The following ATP10B variants were observed in gnomAD, a reference collection of about 807,000 sequenced individuals.
ATP10B encodes the protein ATPase phospholipid transporting 10B (putative).
A neutral mutation model predicts 141.2 loss-of-function variants in ATP10B; 122 were observed. The ratio of observed to expected loss-of-function variants is 0.86; its 90% CI spans 0.75 to 1.00. The LOEUF is 1.00. ATP10B is among the 50% of genes least tolerant of loss of function. The pLI, the probability that ATP10B is intolerant of heterozygous loss-of-function variation, is 0.00. For missense variants in ATP10B, 1,876 were observed against 1,825.3 expected, an observed-to-expected ratio of 1.03 and a Z score of -0.51; for synonymous variants, 685 against 692.0, an observed-to-expected ratio of 0.99 and a Z score of 0.16.
intron 1 of ATP10B, among the ~76,000 whole-genome samples, chr5:160,806,370 C>T (rs2127939980): frequency 6.6e-6 from 1 of 152,220 alleles, no homozygotes; most frequent in Non-Finnish European, 1.5e-5. Flanking sequence ...ATCAGCATAA[C>T]ATCTGAAAAA....
In ATP10B at chr5:160,620,521, C is replaced by G; in HGVS notation, c.2242G>C (p.Val748Leu). The G allele has an allele frequency of 1.2e-6, 2 of 1,614,136 alleles. No homozygotes were observed. Among genetic ancestry groups the G allele is most frequent in the Non-Finnish European group, 1.7e-6 (2 of 1,179,984 alleles). The part of the protein sequence containing the change: ...LVSRTPEQVT[V>L]RLPQGTCLTF... ...AGGCAGGTGCCCTGGGGCAGGCGCA[C>G]AGTCACCTGCTCAGGTGTCCGGGAC... Residue 748 changes from valine to leucine, a missense_variant, in exon 15 of 26, where the codon GTG becomes CTG. By Grantham distance (32) the Val-to-Leu change is conservative (BLOSUM62 1). Coordinates refer to ENST00000327245, the MANE Select transcript of ATP10B (RefSeq NM_025153.3).
chr5:160,811,854 C>T (rs756391655), intron 1 of ATP10B, among the ~76,000 whole-genome samples: 2 of 152,130 alleles, frequency 1.3e-5, no homozygotes, highest in Non-Finnish European at 2.9e-5. Context: ...CGCACATAGG[C>T]AGTAGCCAGG....
chr5:160,567,886 G>A (rs1174999834), intron 25 of ATP10B, among the ~76,000 whole-genome samples: 1 of 152,176 alleles, frequency 6.6e-6, no homozygotes, highest in Non-Finnish European at 1.5e-5. Context: ...AATAATTTGG[G>A]GTGAAAGGGT....
chr5:160,589,510 AG>A, intron 24 of ATP10B, 81 bp downstream of exon 24: 1 of 1,084,252 alleles, frequency 9.2e-7, no homozygotes, highest in Middle Eastern at 2.9e-4. Context: ...TTGATAACAC[AG>A]AATGAAACAA....
Position 160,591,237 on chromosome 5 carries a change from C to T in ATP10B, c.3565-98G>A, listed in dbSNP as rs376115693. On this transcript the variant is annotated intron_variant, in intron 22 of 25. Transcript: ENST00000327245. ...CATGTGGCTGCGACAGACAACCAGA[C>T]GCATACAATGCCTCTTGTATTTGTG... 1.2e-3 allele frequency: 1,055 copies of T among 872,184 alleles called. 7 individuals carry two copies. Among genetic ancestry groups the T allele is most frequent in the Admixed American group, 1.1e-3 (47 of 41,854 alleles). 54.0% of individuals were successfully genotyped at this position (872,184 alleles called of 1,614,324 possible).
the ATP10B span, among the ~76,000 whole-genome samples, chr5:160,922,833 G>A: frequency 6.6e-6 from 1 of 152,154 alleles, no homozygotes; most frequent in East Asian, 1.9e-4. Flanking sequence ...ATATCCTAAT[G>A]GGGCCCCTCC....
At chr5:160,637,129 T>TATCCATCCATCC (rs35749013) in intron 10 of ATP10B, among the ~76,000 whole-genome samples, 66 of 146,548 alleles carry the variant, frequency 4.5e-4, no homozygotes, top group African/African-American at 1.5e-3. Context: ...TCTATCCATC[T>TATCCATCCATCC]ATCCATCCAT....
chr5:160,610,794 A>G (rs949570498), intron 18 of ATP10B, among the ~76,000 whole-genome samples: 23 of 152,200 alleles, frequency 1.5e-4, no homozygotes, highest in Admixed American at 1.3e-3. Context: ...TTCCTATCTA[A>G]TACTTTAGTT....
the ATP10B span, among the ~76,000 whole-genome samples, chr5:160,868,673 C>T: frequency 6.6e-6 from 1 of 151,858 alleles, no homozygotes; most frequent in African/African-American, 2.4e-5. Flanking sequence ...TGATGCTACC[C>T]CAAGTTCTGG....
Position 160,679,821 on chromosome 5 carries a change from C to T in ATP10B, c.470+6258G>A, listed in dbSNP as rs146806326. Among the ~76,000 whole-genome samples, 904 of 152,310 alleles carry T rather than the reference C, an allele frequency of 5.9e-3. 5 individuals are homozygous for T. The highest frequency in any genetic ancestry group is 0.01 in the Middle Eastern group (3 of 294). On this transcript the variant is annotated intron_variant, in intron 6 of 25. Transcript: ENST00000327245. The stretch of plus-strand genomic sequence containing the variant: ...ACCCTGGATTCCCTCAGTTCCCATT[C>T]CCTGCTCTGTACTGCATGTTTTCTG...
Position 160,687,918 on chromosome 5 carries a change from T to C in ATP10B, c.157A>G (p.Ser53Gly), listed in dbSNP as rs1763861210. Reference protein sequence around the residue: ...TQQRVVFPNNSIFHQDWEEVS... With the variant: ...TQQRVVFPNNGIFHQDWEEVS... ...TCTTCCCAATCTTGATGGAATATGC[T>C]GTTGTTGGGGAACACGACCCGCTGC... The change falls in exon 5 of 26, where the codon AGC (serine) becomes GGC (glycine). Residue 53 changes from serine (S) to glycine (G), a missense_variant. By Grantham distance (56) the Ser-to-Gly change is moderately conservative. Transcript: ENST00000327245. 3.7e-6 allele frequency: 6 copies of C among 1,614,146 alleles called. No homozygotes were observed. The Admixed American group carries it at 8.3e-5, about 22-fold the overall frequency.
chr5:160,587,824 T>C (rs946092134), intron 24 of ATP10B, among the ~76,000 whole-genome samples: 4 of 152,130 alleles, frequency 2.6e-5, no homozygotes, highest in Non-Finnish European at 1.5e-5. Flanking sequence ...TTAAGGAGTT[T>C]TTGGGCTTAG....
intron 1 of ATP10B, among the ~76,000 whole-genome samples, chr5:160,842,436 C>T (rs777248096): frequency 2.6e-5 from 4 of 151,434 alleles, no homozygotes; most frequent in East Asian, 1.9e-4. Flanking sequence ...AAATAAAGAG[C>T]GAATGGAACC....
intron 7 of ATP10B, among the ~76,000 whole-genome samples, chr5:160,660,838 C>T (rs1242549137): frequency 2.6e-5 from 4 of 152,068 alleles, no homozygotes; most frequent in South Asian, 4.1e-4. Context: ...AAAAGTATAG[C>T]GGTCAGAAAA....
intron 25 of ATP10B, among the ~76,000 whole-genome samples, chr5:160,567,548 G>A (rs1406096413): frequency 6.6e-6 from 1 of 152,130 alleles, no homozygotes; most frequent in Non-Finnish European, 1.5e-5. Context: ...AATGAATGGA[G>A]GAGGAAGGTA....
chr5:160,593,950 C>G (rs566825426), intron 22 of ATP10B, among the ~76,000 whole-genome samples: 8 of 152,270 alleles, frequency 5.3e-5, no homozygotes, highest in African/African-American at 1.9e-4. Context: ...TGGAACTAAG[C>G]TGGAAAACAC....
the ATP10B span, among the ~76,000 whole-genome samples, chr5:160,904,165 T>TTTCCTGC: frequency 6.6e-6 from 1 of 151,872 alleles, no homozygotes; most frequent in African/African-American, 2.4e-5. Context: ...TTGGATATGG[T>TTTCCTGC]TTCCTGCTTT....
intron 22 of ATP10B, among the ~76,000 whole-genome samples, chr5:160,597,889 A>C (rs959222664): frequency 6.6e-6 from 1 of 151,890 alleles, no homozygotes; most frequent in Non-Finnish European, 1.5e-5. Flanking sequence ...AAAAGTCAGG[A>C]AACAACAGAT....
intron 1 of ATP10B, among the ~76,000 whole-genome samples, chr5:160,821,719 C>T (rs1561892906): frequency 6.6e-6 from 1 of 151,952 alleles, no homozygotes; most frequent in Non-Finnish European, 1.5e-5. Context: ...CTATAGTGAA[C>T]TAAGTTTTGG....
Sources: gnomAD v4.1 joint callset for allele counts (sites outside exome capture counted in the v4.1 genomes callset) on GRCh38, gnomAD v4.1.1 for gene constraint, MANE v1.5 for transcripts, NCBI Gene and HGNC (gene_info 2026-07-23, HGNC 2026-07-21) for gene names.